Variants in FAT2 observed in about 807,000 individuals in gnomAD.
The protein encoded by FAT2 is FAT atypical cadherin 2.
FAT2 carries 150 observed loss-of-function variants against 295.3 expected under a neutral mutation model. That is an observed-to-expected ratio of 0.51 (90% confidence interval 0.44 to 0.58). The LOEUF (loss-of-function observed/expected upper bound fraction) is 0.58. FAT2 is among the 20% of genes least tolerant of loss of function. FAT2 has a pLI of 0.00. For synonymous variants in FAT2, 2,026 were observed against 2,150.3 expected (o/e 0.94, Z 1.60); for missense variants, 4,868 against 5,442.7 (o/e 0.89, Z 3.32).
At chr5:151,584,024 GT>G (rs765290785) in intron 1 of FAT2, among the ~76,000 whole-genome samples, 65 of 106,476 alleles carry the variant, frequency 6.1e-4, no homozygotes, top group Non-Finnish European at 9.2e-4. Context: ...AAAAAAAAAA[GT>G]TTTTTTTAAA....
rs2127584729 is a variant in FAT2, at chr5:151,525,957, G to A, written c.10317C>T (p.Ser3439=). 6.2e-7 allele frequency: 1 copy of A among 1,614,100 alleles called. No homozygotes were observed. The highest frequency in any genetic ancestry group is 8.5e-7 in the Non-Finnish European group (1 of 1,180,000). The change falls in exon 18 of 24, where the codon TCC becomes TCT. Residue 3439 remains serine (S), a synonymous_variant. Transcript: ENST00000261800. ...LNYSTTVQEN[S]PIGSKVLQLI... Reference sequence around the variant, plus strand: ...GCTGCAGGACTTTGCTGCCAATGGGGGAGTTCTCCTGAGACCGAGAGTGAC... The same window carrying A: ...GCTGCAGGACTTTGCTGCCAATGGGAGAGTTCTCCTGAGACCGAGAGTGAC...
intron 14 of FAT2, 49 bp from the exon 15 acceptor site, chr5:151,529,441 A>G: frequency 6.5e-7 from 1 of 1,549,072 alleles, no homozygotes; most frequent in Non-Finnish European, 8.9e-7. Context: ...GGGCCCTCAA[A>G]GGCGCAGGAC....
intron 1 of FAT2, among the ~76,000 whole-genome samples, chr5:151,580,549 G>A (rs925515987): frequency 3.3e-5 from 5 of 152,160 alleles, no homozygotes; most frequent in African/African-American, 1.2e-4. Context: ...ACTCTCATTC[G>A]GGCCCCAGGA....
At chr5:151,536,455 G>A (rs1374434410) in intron 12 of FAT2, among the ~76,000 whole-genome samples, 1 of 152,094 alleles carries the variant, frequency 6.6e-6, no homozygotes, top group Non-Finnish European at 1.5e-5. Flanking sequence ...CAAGCCAAAT[G>A]TCAGCAGCTG....
chr5:151,577,789 G>A (rs561029531), intron 1 of FAT2, among the ~76,000 whole-genome samples: 2 of 152,282 alleles, frequency 1.3e-5, no homozygotes, highest in African/African-American at 4.8e-5. Context: ...AGGAAGAGGC[G>A]TGTCTGGGGT....
rs576238101 is a variant in FAT2, at chr5:151,509,778, G to A, written c.12059+243C>T. On this transcript the variant is annotated intron_variant, in intron 22 of 23. Transcript: ENST00000261800. ...ATAAAGTGTGCAATAAATGTCATGT[G>A]CTTGAATCATCCTGAAACCATCTCC... 26 of 473,368 alleles carry A rather than the reference G, an allele frequency of 5.5e-5. 1 individual carries two copies. The East Asian group carries it at 7.7e-4, about 14-fold the overall frequency. The allele number at this position is 473,368 out of a possible 1,614,324, so 29.3% of individuals were successfully genotyped here.
intron 3 of FAT2, among the ~76,000 whole-genome samples, chr5:151,562,675 A>G (rs1429964707): frequency 6.6e-6 from 1 of 152,214 alleles, no homozygotes; most frequent in African/African-American, 2.4e-5. Context: ...GGAATTTTCT[A>G]ATTTTATGTG....
intron 5 of FAT2, 128 bp downstream of exon 5, chr5:151,554,234 G>C: frequency 1.2e-6 from 1 of 858,034 alleles, no homozygotes; most frequent in South Asian, 1.9e-5. Flanking sequence ...GTTTCTCTGG[G>C]AGAAGGCCAG....
intron 11 of FAT2, among the ~76,000 whole-genome samples, chr5:151,538,162 T>C (rs759078972): frequency 6.6e-6 from 1 of 151,838 alleles, no homozygotes; most frequent in Non-Finnish European, 1.5e-5. Flanking sequence ...AGATGAAACA[T>C]GCAAGGAAAA....
At position 151,505,754 on chromosome 5, in the gene FAT2, C is replaced by A. The variant is rs967940329; in HGVS notation, c.12861G>T (p.Gly4287=). ...YHSQFRQGGG[G]PCLADGGYKG... ...TGTAGCCCCCGTCTGCCAGGCAGGGCCCTCCCCCTCCCTGCCGGAACTGCG... is the reference window on the plus strand; with the variant it reads ...TGTAGCCCCCGTCTGCCAGGCAGGGACCTCCCCCTCCCTGCCGGAACTGCG... Residue 4287 remains glycine (G), a synonymous_variant, in exon 24 of 24, where the codon GGG becomes GGT. Transcript: ENST00000261800. The A allele has an allele frequency of 6.2e-7, 1 of 1,613,172 alleles. No homozygotes were observed. Among genetic ancestry groups the A allele is most frequent in the Non-Finnish European group, 8.5e-7 (1 of 1,179,214 alleles).
At chr5:151,580,178 A>G (rs966356187) in intron 1 of FAT2, among the ~76,000 whole-genome samples, 3 of 152,112 alleles carry the variant, frequency 2.0e-5, no homozygotes, top group African/African-American at 7.2e-5. Context: ...TGTTCCCCCA[A>G]CCCCAGCTCC....
At chr5:151,549,043 G>A (rs1290361474) in intron 9 of FAT2, among the ~76,000 whole-genome samples, 1 of 152,092 alleles carries the variant, frequency 6.6e-6, no homozygotes, top group African/African-American at 2.4e-5. Flanking sequence ...TTGGTCACTG[G>A]TGGGTTTATA....
chr5:151,532,814 G>A (rs897823811), intron 13 of FAT2, among the ~76,000 whole-genome samples: 4 of 152,142 alleles, frequency 2.6e-5, no homozygotes, highest in East Asian at 1.9e-4. Context: ...ATGAACACAC[G>A]CCCTGAGCCT....
intron 1 of FAT2, among the ~76,000 whole-genome samples, chr5:151,580,375 G>A (rs936306406): frequency 2.0e-5 from 3 of 152,202 alleles, no homozygotes; most frequent in African/African-American, 7.2e-5. Flanking sequence ...AATGGGGCTG[G>A]TAACACTTAC....
Position 151,544,571 on chromosome 5 carries a change from G to A in FAT2, c.6556C>T (p.Leu2186Phe), listed in dbSNP as rs570639324. 6.2e-7 allele frequency: 1 copy of A among 1,613,952 alleles called. No individual in the cohort carries two copies. Among genetic ancestry groups the A allele is most frequent in the Non-Finnish European group, 8.5e-7 (1 of 1,179,980 alleles). Residue 2186 changes from leucine (L) to phenylalanine (F), a missense_variant, in exon 10 of 24, where the codon CTC becomes TTC. Physicochemically the swap from Leu to Phe is conservative, Grantham distance 22. Around this residue, in one of 5 missense-constraint regions of FAT2, gnomAD observed 3,297 missense variants for 3,669.4 expected, o/e 0.90. Coordinates refer to ENST00000261800, the MANE Select transcript of FAT2 (RefSeq NM_001447.3). ...YKVRVPENIT[L>F]YTPILHTQAR... is the part of the protein sequence containing the mutation. ...TGGGTGTGGAGAATTGGGGTATAGA[G>A]GGTGATATTTTCAGGTACTCTGACT...
intron 1 of FAT2, among the ~76,000 whole-genome samples, chr5:151,581,282 C>A (rs1466299198): frequency 1.3e-5 from 2 of 152,150 alleles, no homozygotes; most frequent in African/African-American, 4.8e-5. Flanking sequence ...GGGCACAGTG[C>A]CTTGCATGTG....
rs374233772 is a variant in FAT2 at position 151,506,070 on chromosome 5, G to T, written c.12545C>A (p.Pro4182His). ...GCGTTCGTTCCTGGAGTAAGTAGGG[G>T]GCCAGACCATGGCTCCGCCAGGGTA... ...MVYPGGAMVWPPTYSRNERWE... is the reference protein window; with the variant it reads ...MVYPGGAMVWHPTYSRNERWE... The change falls in exon 24 of 24, where the codon CCC becomes CAC. Residue 4182 changes from proline (P) to histidine (H), a missense_variant. Pro to His is a moderately conservative substitution (Grantham distance 77). Transcript: ENST00000261800. 2.0e-6 allele frequency: 3 copies of T among 1,534,720 alleles called. No individual in the cohort carries two copies. Among genetic ancestry groups the T allele is most frequent in the Non-Finnish European group, 2.6e-6 (3 of 1,148,956 alleles).
intron 1 of FAT2, among the ~76,000 whole-genome samples, chr5:151,584,422 A>G (rs1408456741): frequency 6.6e-6 from 1 of 152,078 alleles, no homozygotes. Flanking sequence ...TTCTTATTTA[A>G]TTCCTTCAAA....
At chr5:151,592,833 G>C (rs116124531), upstream of FAT2, among the ~76,000 whole-genome samples, 324 of 152,328 alleles carry the variant, frequency 2.1e-3, no homozygotes, top group African/African-American at 7.4e-3. Flanking sequence ...CTATGAATTA[G>C]TGAAACCATG....
Sources: gnomAD v4.1 joint callset for allele counts (sites outside exome capture counted in the v4.1 genomes callset) on GRCh38, gnomAD v4.1.1 for gene constraint, gnomAD v4.1.1 regional missense constraint, MANE v1.5 for transcripts, NCBI Gene and HGNC (gene_info 2026-07-23, HGNC 2026-07-21) for gene names.